The following VAV3 variants were observed in gnomAD, a reference collection of about 807,000 sequenced individuals.
VAV3 encodes guanine nucleotide exchange factor VAV3.
In VAV3, 94 loss-of-function variants were observed where a neutral mutation model predicts 131.2. The ratio of observed to expected loss-of-function variants is 0.72; its 90% confidence interval spans 0.61 to 0.85. The LOEUF is 0.85. VAV3 is among the 40% of genes least tolerant of loss of function. The pLI is 0.00. For synonymous variants in VAV3, 349 were observed against 342.0 expected (o/e 1.02, Z -0.22); for missense variants, 939 against 1,002.7 (o/e 0.94, Z 0.86).
At chr1:107,679,443 A>G (rs930218900) in intron 19 of VAV3, among the ~76,000 whole-genome samples, 1 of 152,192 alleles carries the variant, frequency 6.6e-6, no homozygotes, top group African/African-American at 2.4e-5. Flanking sequence ...TCTACTCCAC[A>G]TAATCTTTAG....
chr1:107,729,564 G>A (rs899079770), intron 15 of VAV3, among the ~76,000 whole-genome samples: 5 of 152,168 alleles, frequency 3.3e-5, no homozygotes, highest in Admixed American at 2.0e-4. Flanking sequence ...CACTGAAGGG[G>A]CATGGGTACG....
At chr1:107,792,152 T>C (rs998250704) in intron 2 of VAV3, among the ~76,000 whole-genome samples, 14 of 152,220 alleles carry the variant, frequency 9.2e-5, no homozygotes, top group African/African-American at 3.1e-4. Flanking sequence ...TCTCAGGCCC[T>C]GTGAACAACT....
intron 2 of VAV3, among the ~76,000 whole-genome samples, chr1:107,832,034 GATGAGC>G (rs74676442): frequency 0.093 from 14,083 of 152,128 alleles, 817 homozygotes; most frequent in East Asian, 0.25. Context: ...AAAACAACAA[GATGAGC>G]ATGAGCTTGG....
chr1:107,962,725 A>G lies in VAV3; in HGVS notation c.204+1941T>C, dbSNP rs141758137. ...TTTGAGGGAAGCACCCTCTCATAGG[A>G]CATTACAGGAGAAACTGTACTTAAT... On this transcript the variant is annotated intron_variant, in intron 1 of 26. Coordinates refer to ENST00000370056, the MANE Select transcript of VAV3 (RefSeq NM_006113.5). Among the ~76,000 whole-genome samples the G allele has an allele frequency of 4.6e-3, 707 of 152,328 alleles. 5 individuals carry two copies. Among genetic ancestry groups the G allele is most frequent in the Non-Finnish European group, 7.2e-3 (493 of 68,026 alleles).
At chr1:107,574,359 T>G (rs1649468202) in intron 25 of VAV3, among the ~76,000 whole-genome samples, 161 bp from the exon 26 acceptor site, 1 of 152,224 alleles carries the variant, frequency 6.6e-6, no homozygotes, top group Non-Finnish European at 1.5e-5. Context: ...GAATTGCTGT[T>G]TCAATTCAAT....
At chr1:107,599,124 T>G (rs1390420511) in intron 24 of VAV3, among the ~76,000 whole-genome samples, 1 of 152,184 alleles carries the variant, frequency 6.6e-6, no homozygotes, top group Non-Finnish European at 1.5e-5. Context: ...AAATGAGTTT[T>G]CCAAGGCCTA....
At chr1:107,953,070 C>T (rs925659096) in intron 1 of VAV3, among the ~76,000 whole-genome samples, 1 of 152,170 alleles carries the variant, frequency 6.6e-6, no homozygotes, top group Non-Finnish European at 1.5e-5. Context: ...CCAGTCATTT[C>T]CTCATGCAAT....
At chr1:107,709,211 GA>G (rs1394742965) in intron 15 of VAV3, among the ~76,000 whole-genome samples, 1 of 152,072 alleles carries the variant, frequency 6.6e-6, no homozygotes, top group Non-Finnish European at 1.5e-5. Context: ...CCTCCCCACT[GA>G]CCTGTGTGGA....
At chr1:107,850,859 C>CAT (rs980248917) in intron 2 of VAV3, among the ~76,000 whole-genome samples, 1 of 151,778 alleles carries the variant, frequency 6.6e-6, no homozygotes, top group Non-Finnish European at 1.5e-5. Flanking sequence ...AAGGCTACCA[C>CAT]ACATATATAT....
At chr1:107,919,488 A>T (rs563284885) in intron 1 of VAV3, among the ~76,000 whole-genome samples, 1 of 152,358 alleles carries the variant, frequency 6.6e-6, no homozygotes, top group African/African-American at 2.4e-5. Flanking sequence ...AAAAAGTCTA[A>T]GAATTTATCT....
chr1:107,655,630 A>C (rs1052533290), intron 19 of VAV3, among the ~76,000 whole-genome samples: 1 of 152,162 alleles, frequency 6.6e-6, no homozygotes, highest in Non-Finnish European at 1.5e-5. Flanking sequence ...CGATTACATT[A>C]AACTAAAAAG....
chr1:107,870,440 G>A (rs1303315933), intron 2 of VAV3, among the ~76,000 whole-genome samples: 1 of 151,976 alleles, frequency 6.6e-6, no homozygotes, highest in South Asian at 2.1e-4. Context: ...GTCTTCTTTT[G>A]AGAATTGTCT....
At chr1:107,629,576 C>A (rs1654294261) in intron 20 of VAV3, among the ~76,000 whole-genome samples, 1 of 151,996 alleles carries the variant, frequency 6.6e-6, no homozygotes, top group African/African-American at 2.4e-5. Flanking sequence ...ATATTCATTT[C>A]ACTTGAAGGC....
chr1:107,779,043 G>T (rs1186567776), intron 3 of VAV3, among the ~76,000 whole-genome samples: 3 of 151,600 alleles, frequency 2.0e-5, no homozygotes, highest in African/African-American at 7.3e-5. Flanking sequence ...ACTCCTAAAA[G>T]CTATGAGTTA....
chr1:107,704,847 C>A, intron 16 of VAV3, 113 bp downstream of exon 16: 1 of 1,205,538 alleles, frequency 8.3e-7, no homozygotes, highest in East Asian at 2.5e-5. Flanking sequence ...ATCCAGACTG[C>A]TAAGGCAAAT....
intron 2 of VAV3, chr1:107,820,958 A>C (rs1052290369): frequency 2.0e-5 from 3 of 152,208 alleles, no homozygotes; most frequent in African/African-American, 4.8e-5. Context: ...CTGAAGGTAT[A>C]AAAAGGCAGC....
Position 107,757,187 on chromosome 1 carries a change from G to GTGTGTGTATA in VAV3, c.1086+73_1086+74insTATACACACA, listed in dbSNP as rs869175769. 51 of 814,504 alleles carry GTGTGTGTATA rather than the reference G, an allele frequency of 6.3e-5. No homozygotes were observed. In the African/African-American group the frequency reaches 7.0e-4, roughly 11 times the overall value. The allele number at this position is 814,504 out of a possible 1,614,324, so 50.5% of individuals were successfully genotyped here. ...TGTGTGTGTGTGTGTGTGTGTGTGT[G>GTGTGTGTATA]TATGCAATTTGAATTCCATTGTCTT... On this transcript the variant is annotated intron_variant, in intron 11 of 26. Transcript: ENST00000370056.
At chr1:107,676,532 T>C (rs1290637119) in intron 19 of VAV3, among the ~76,000 whole-genome samples, 1 of 152,142 alleles carries the variant, frequency 6.6e-6, no homozygotes, top group African/African-American at 2.4e-5. Context: ...ATGATATCAG[T>C]TGGAGTCCCT....
At chr1:107,817,249 G>A (rs1386004057) in intron 2 of VAV3, among the ~76,000 whole-genome samples, 1 of 152,126 alleles carries the variant, frequency 6.6e-6, no homozygotes, top group African/African-American at 2.4e-5. Flanking sequence ...GGGGAACCTC[G>A]CAGAGAAGGG....
Sources: gnomAD v4.1 joint callset for allele counts (sites outside exome capture counted in the v4.1 genomes callset) on GRCh38, gnomAD v4.1.1 for gene constraint, MANE v1.5 for transcripts, NCBI Gene and HGNC (gene_info 2026-07-23, HGNC 2026-07-21) for gene names.